MEIOSIN: variants seen among roughly 807,000 people sequenced by gnomAD.
MEIOSIN encodes the protein meiosis initiator.
In MEIOSIN, 18 loss-of-function variants were observed where a neutral mutation model predicts 23.4. The observed-to-expected ratio is 0.77, with a 90% confidence interval of 0.53 to 1.14. The LOEUF (loss-of-function observed/expected upper bound fraction) is 1.14, where lower values mean the gene tolerates loss of function less well. MEIOSIN is among the 50% of genes most tolerant of loss of function. The pLI is 0.00. For synonymous variants in MEIOSIN, 187 were observed against 100.6 expected (o/e 1.86, Z -5.14); for missense variants, 428 against 242.9 (o/e 1.76, Z -5.07).
chr19:45,743,075 G>A (rs748828803), intron 3 of MEIOSIN, among the ~76,000 whole-genome samples: 10 of 152,138 alleles, frequency 6.6e-5, no homozygotes, highest in Non-Finnish European at 1.3e-4. Context: ...GGCCCTGAGA[G>A]CGGAGCCCAG....
intron 3 of MEIOSIN, among the ~76,000 whole-genome samples, chr19:45,742,480 T>C (rs1968522766): frequency 6.6e-6 from 1 of 151,530 alleles, no homozygotes; most frequent in African/African-American, 2.4e-5. Flanking sequence ...TCGTTGTCTC[T>C]TTAAAAACAA....
intron 13 of MEIOSIN, among the ~76,000 whole-genome samples, 195 bp downstream of exon 13, chr19:45,762,378 C>G (rs187288371): frequency 3.9e-5 from 6 of 152,122 alleles, no homozygotes; most frequent in South Asian, 2.1e-4. Flanking sequence ...CCATTGTCAG[C>G]GCTGAAACCC....
intron 2 of MEIOSIN, among the ~76,000 whole-genome samples, chr19:45,736,610 G>A (rs529516695): frequency 4.0e-5 from 6 of 151,532 alleles, no homozygotes; most frequent in Admixed American, 6.6e-5. Flanking sequence ...CTCGCGATCC[G>A]CCCGCTGGAG....
At chr19:45,751,098 C>T (rs1380202996) in intron 5 of MEIOSIN, among the ~76,000 whole-genome samples, 7 of 151,910 alleles carry the variant, frequency 4.6e-5, no homozygotes, top group Admixed American at 4.6e-4. Flanking sequence ...CATGGCAAAA[C>T]CCCGTCTCTA....
At position 45,758,997 on chromosome 19, in the gene MEIOSIN, G is replaced by C. The variant is rs1214952816; in HGVS notation, c.1132G>C (p.Glu378Gln). 1.4e-6 allele frequency: 1 copy of C among 703,112 alleles called. No homozygotes were observed. Among genetic ancestry groups the C allele is most frequent in the Non-Finnish European group, 2.6e-6 (1 of 385,032 alleles). 43.6% of individuals were successfully genotyped at this position (703,112 alleles called of 1,614,324 possible). ...CTCCCCAGGGAAACTGCTGCCAGACGAGATCTTGGAGGATGACATGGAGTA... is the reference window on the plus strand; with the variant it reads ...CTCCCCAGGGAAACTGCTGCCAGACCAGATCTTGGAGGATGACATGGAGTA... ...FSSPGKLLPD[E>Q]ILEDDMEYLT... The change falls in exon 10 of 15, where the codon GAG becomes CAG. Residue 378 changes from glutamate (E) to glutamine (Q), a missense_variant. Transcript: ENST00000457052.
intron 1 of MEIOSIN, 133 bp from the exon 2 acceptor site, chr19:45,735,244 A>G (rs547187313): frequency 3.3e-6 from 2 of 603,422 alleles, no homozygotes; most frequent in East Asian, 5.7e-5. Flanking sequence ...TGTTGGGGCT[A>G]GGGACTCTTA....
At chr19:45,744,937 G>A (rs1328300290) in intron 3 of MEIOSIN, among the ~76,000 whole-genome samples, 1 of 152,208 alleles carries the variant, frequency 6.6e-6, no homozygotes, top group Non-Finnish European at 1.5e-5. Context: ...CTATCAGGAT[G>A]TTAACACATG....
chr19:45,745,506 CT>C (rs1968577330), intron 4 of MEIOSIN, among the ~76,000 whole-genome samples, 185 bp downstream of exon 4: 1 of 152,024 alleles, frequency 6.6e-6, no homozygotes, highest in Non-Finnish European at 1.5e-5. Flanking sequence ...CTGGAGGATC[CT>C]TTTTTGCAAA....
chr19:45,760,368 C>T (rs575907530), intron 11 of MEIOSIN, among the ~76,000 whole-genome samples: 29 of 147,530 alleles, frequency 2.0e-4, no homozygotes, highest in African/African-American at 7.2e-4. Context: ...TTTGGGAGGC[C>T]GAGGAGGGCA....
At chr19:45,760,949 AAAAAAAAGAAAAGAAAGG>A (rs1968927498) in intron 11 of MEIOSIN, among the ~76,000 whole-genome samples, 1 of 145,834 alleles carries the variant, frequency 6.9e-6, no homozygotes, top group Non-Finnish European at 1.5e-5. Context: ...GAAAGAAAAG[AAAAAAAAGAAAAGAAAGG>A]AAGAAAGAAA....
intron 4 of MEIOSIN, among the ~76,000 whole-genome samples, chr19:45,748,867 G>A (rs1163332145): frequency 3.3e-5 from 5 of 151,744 alleles, no homozygotes; most frequent in Non-Finnish European, 5.9e-5. Context: ...TCGGTAGTTC[G>A]AGACCAACCT....
chr19:45,750,644 C>A, intron 4 of MEIOSIN, 31 bp from the exon 5 acceptor site: 1 of 522,282 alleles, frequency 1.9e-6, no homozygotes, highest in South Asian at 2.6e-5. Flanking sequence ...CAGGCGTGAG[C>A]CTGGCCAACC....
chr19:45,735,668 G>T (rs4803852), intron 2 of MEIOSIN, among the ~76,000 whole-genome samples: 131,105 of 152,072 alleles, frequency 0.86, 56,813 homozygotes, highest in African/African-American at 0.95. Flanking sequence ...AAAGATCATT[G>T]CTTATTTATT....
intron 8 of MEIOSIN, among the ~76,000 whole-genome samples, chr19:45,756,456 C>T (rs970024360): frequency 1.3e-5 from 2 of 152,158 alleles, no homozygotes; most frequent in East Asian, 1.9e-4. Flanking sequence ...CTCACTCTGT[C>T]GCCCAGGCCA....
At position 45,758,890 on chromosome 19, in the gene MEIOSIN, TC is replaced by T; in HGVS notation, c.1027del (p.Leu343TrpfsTer45). ...GTTCCCTTTCCAGGGAGCCCACTGT[TC>T]CTGGGGCCTCCCCAGATTGATGTCT... ...PENSPQGSPL[F>X]LGPPQIDVWS... is the part of the protein sequence containing the mutation. On this transcript the variant is annotated frameshift_variant, in exon 10 of 15. Transcript: ENST00000457052. LOFTEE classifies it high-confidence loss of function. 4 of 703,112 alleles carry T rather than the reference TC, an allele frequency of 5.7e-6. No homozygotes were observed. Among genetic ancestry groups the T allele is most frequent in the South Asian group, 1.5e-5 (1 of 67,608 alleles). 43.6% of individuals were successfully genotyped at this position (703,112 alleles called of 1,614,324 possible). A position where few individuals can be genotyped will look rare whatever the true frequency, so the allele number is the denominator to read the frequency against.
intron 2 of MEIOSIN, 110 bp downstream of exon 2, chr19:45,735,557 T>C: frequency 4.9e-6 from 3 of 614,932 alleles, no homozygotes; most frequent in Non-Finnish European, 8.8e-6. Context: ...CCAAACATTT[T>C]GTTTGTATGA....
Position 45,759,429 on chromosome 19 carries a change from A to C in MEIOSIN, c.1184A>C (p.Glu395Ala), listed in dbSNP as rs1968897740. Reference protein sequence around the residue: ...EYLTQAAFFEEVCLDLESSPS... With the variant: ...EYLTQAAFFEAVCLDLESSPS... ...CCCTCCCTAGCGGCTTTCTTTGAAG[A>C]AGTGTGCTTAGATCTGGAGTCTTCA... Residue 395 changes from glutamate to alanine, a missense_variant, in exon 11 of 15, where the codon GAA becomes GCA. Coordinates refer to ENST00000457052, the MANE Select transcript of MEIOSIN (RefSeq NM_001310124.2). 1 of 703,382 alleles carries C rather than the reference A, an allele frequency of 1.4e-6. No individual in the cohort carries two copies. The highest frequency in any genetic ancestry group is 2.6e-6 in the Non-Finnish European group (1 of 385,096). The allele number at this position is 703,382 out of a possible 1,614,324, so 43.6% of individuals were successfully genotyped here. A position where few individuals can be genotyped will look rare whatever the true frequency, so the allele number is the denominator to read the frequency against.
At chr19:45,759,830 TC>T (rs1968904683) in intron 11 of MEIOSIN, among the ~76,000 whole-genome samples, 1 of 151,996 alleles carries the variant, frequency 6.6e-6, no homozygotes, top group African/African-American at 2.4e-5. Flanking sequence ...AGACTGAGTT[TC>T]CCTGTTGTCG....
chr19:45,758,840 C>T, intron 9 of MEIOSIN, 38 bp from the exon 10 acceptor site: 1 of 699,744 alleles, frequency 1.4e-6, no homozygotes, highest in Middle Eastern at 2.3e-4. Flanking sequence ...AGAGGGTGAT[C>T]TCTGGCCACA....
Sources: gnomAD v4.1 joint callset for allele counts (sites outside exome capture counted in the v4.1 genomes callset) on GRCh38, gnomAD v4.1.1 for gene constraint, MANE v1.5 for transcripts, NCBI Gene and HGNC (gene_info 2026-07-23, HGNC 2026-07-21) for gene names.